The following UBE4B variants were observed in gnomAD, a reference collection of about 807,000 sequenced individuals.
UBE4B encodes ubiquitination factor E4B.
Under a neutral mutation model 148.1 loss-of-function variants are expected in UBE4B, and 27 were observed. The observed-to-expected ratio is 0.18, with a 90% CI of 0.13 to 0.25. The LOEUF (loss-of-function observed/expected upper bound fraction) is 0.25. UBE4B is among the 10% of genes least tolerant of loss of function. UBE4B has a pLI of 1.00. For missense variants in UBE4B, 1,170 were observed against 1,662.4 expected (o/e 0.70, Z 5.15); for synonymous variants, 596 against 619.3 (o/e 0.96, Z 0.56).
intron 2 of UBE4B, among the ~76,000 whole-genome samples, chr1:10,094,046 A>G (rs1277417087): frequency 6.6e-6 from 1 of 152,146 alleles, no homozygotes; most frequent in Non-Finnish European, 1.5e-5. Flanking sequence ...ATAGGTATAT[A>G]TATTTTAAAG....
intron 14 of UBE4B, among the ~76,000 whole-genome samples, chr1:10,131,699 T>C (rs546707986): frequency 2.6e-5 from 4 of 151,942 alleles, no homozygotes; most frequent in Non-Finnish European, 5.9e-5. Flanking sequence ...TCGTCACTGC[T>C]AAAAATACAA....
At chr1:10,140,647 T>C (rs540677617) in intron 17 of UBE4B, among the ~76,000 whole-genome samples, 2 of 152,370 alleles carry the variant, frequency 1.3e-5, no homozygotes, top group Admixed American at 6.5e-5. Flanking sequence ...TGGAACCATC[T>C]AGAACCTTTG....
intron 1 of UBE4B, among the ~76,000 whole-genome samples, chr1:10,071,686 A>G (rs1374413116): frequency 6.6e-6 from 1 of 152,132 alleles, no homozygotes. Context: ...ATACGTATTT[A>G]TGTATGTATT....
intron 25 of UBE4B, among the ~76,000 whole-genome samples, chr1:10,174,690 G>A (rs1460423357): frequency 6.7e-5 from 9 of 133,928 alleles, no homozygotes; most frequent in South Asian, 2.3e-4. Context: ...CAACAAGAGC[G>A]AAACTCCGTC....
intron 1 of UBE4B, among the ~76,000 whole-genome samples, chr1:10,035,702 G>A (rs1249298161): frequency 6.7e-6 from 1 of 149,440 alleles, no homozygotes. Context: ...CACCGTGACC[G>A]GCCAGAGATA....
At position 10,106,678 on chromosome 1, in the gene UBE4B, T is replaced by A; in HGVS notation, c.1196+95T>A. 1 of 1,435,800 alleles carries A rather than the reference T, an allele frequency of 7.0e-7. No individual in the cohort carries two copies. Among genetic ancestry groups the A allele is most frequent in the African/African-American group, 1.4e-5 (1 of 69,982 alleles). The allele number at this position is 1,435,800 out of a possible 1,614,324, so 88.9% of individuals were successfully genotyped here. Reference sequence around the variant, plus strand: ...GAAGTGCTGTGTGACACTGACTCTGTTAAATTGTTGTTTTGGGTTATTAAC... The same window carrying A: ...GAAGTGCTGTGTGACACTGACTCTGATAAATTGTTGTTTTGGGTTATTAAC... On this transcript the variant is annotated intron_variant, in intron 7 of 27. Transcript: ENST00000343090. This position sits in a 1 kb window ranked among gnomAD's most constrained non-coding sequence, Gnocchi z 4.2.
intron 1 of UBE4B, among the ~76,000 whole-genome samples, chr1:10,035,934 G>A (rs1460940143): frequency 1.3e-5 from 2 of 149,816 alleles, no homozygotes; most frequent in African/African-American, 2.5e-5. Context: ...TAGTAGAGAC[G>A]GGGTTTCACC....
intron 12 of UBE4B, 38 bp from the exon 13 acceptor site, chr1:10,130,462 G>C: frequency 6.4e-7 from 1 of 1,564,476 alleles, no homozygotes; most frequent in Non-Finnish European, 8.8e-7. Context: ...CCACCGGCCT[G>C]TTCAGCGGCT....
chr1:10,130,349 G>T (rs1267349686), intron 12 of UBE4B, 151 bp from the exon 13 acceptor site: 2 of 726,010 alleles, frequency 2.8e-6, no homozygotes, highest in Non-Finnish European at 4.6e-6. Context: ...CCAAAGTGCT[G>T]GGATTACAGG....
intron 1 of UBE4B, among the ~76,000 whole-genome samples, chr1:10,043,594 T>C (rs1643856694): frequency 1.3e-5 from 2 of 151,082 alleles, no homozygotes. Flanking sequence ...GCCTGACTAA[T>C]TTTTTTTGTA....
At chr1:10,167,092 A>G (rs926202292) in intron 23 of UBE4B, among the ~76,000 whole-genome samples, 5 of 151,824 alleles carry the variant, frequency 3.3e-5, no homozygotes, top group Admixed American at 3.3e-4. Flanking sequence ...AGATTGTGCC[A>G]CTGCACTCTA....
chr1:10,041,278 G>A (rs926237700), intron 1 of UBE4B, among the ~76,000 whole-genome samples: 5 of 139,352 alleles, frequency 3.6e-5, no homozygotes, highest in Non-Finnish European at 6.1e-5. Context: ...GTTTTCTATC[G>A]CTTTACTACC....
At chr1:10,055,693 G>A (rs1033863254) in intron 1 of UBE4B, among the ~76,000 whole-genome samples, 1 of 152,284 alleles carries the variant, frequency 6.6e-6, no homozygotes, top group Admixed American at 6.5e-5. Context: ...GCCAAGGTGG[G>A]CAGATCACTT....
Position 10,105,719 on chromosome 1 carries a change from T to A in UBE4B, c.784T>A (p.Ser262Thr). The A allele has an allele frequency of 6.2e-7, 1 of 1,614,056 alleles. No individual in the cohort carries two copies. The highest frequency in any genetic ancestry group is 8.5e-7 in the Non-Finnish European group (1 of 1,180,040). The change falls in exon 6 of 28, where the codon TCC (serine) becomes ACC (threonine). Residue 262 changes from serine to threonine, a missense_variant. Around this residue, in one of 6 missense-constraint regions of UBE4B, gnomAD observed 214 missense variants for 209.1 expected, o/e 1.02. Coordinates refer to ENST00000343090, the MANE Select transcript of UBE4B (RefSeq NM_001105562.3). ...GTSPMFCSVA[S>T]FGASSLSSLY... is the part of the protein sequence containing the mutation. ...AAGCCCCATGTTCTGCAGCGTGGCT[T>A]CCTTTGGTGCCAGCTCTTTGTCTAG...
intron 1 of UBE4B, among the ~76,000 whole-genome samples, chr1:10,047,001 C>G (rs1352604563): frequency 6.6e-6 from 1 of 152,194 alleles, no homozygotes; most frequent in Non-Finnish European, 1.5e-5. Context: ...GAATTACAGG[C>G]CATGTTGGCA....
Position 10,036,959 on chromosome 1 carries a change from T to C in UBE4B, c.24+3265T>C, listed in dbSNP as rs114945189. On this transcript the variant is annotated intron_variant, in intron 1 of 27. Coordinates refer to ENST00000343090, the MANE Select transcript of UBE4B (RefSeq NM_001105562.3). Reference sequence around the variant, plus strand: ...AAAAAGGCTGGTATAACCAGACTGGTAGCTTTAGGAACTTTTAAATTATGT... The same window carrying C: ...AAAAAGGCTGGTATAACCAGACTGGCAGCTTTAGGAACTTTTAAATTATGT... Among the ~76,000 whole-genome samples the C allele has an allele frequency of 4.8e-3, 732 of 152,304 alleles. 4 individuals are homozygous for C. The highest frequency in any genetic ancestry group is 0.01 in the Middle Eastern group (3 of 294).
intron 22 of UBE4B, among the ~76,000 whole-genome samples, chr1:10,160,035 A>G (rs1646135434): frequency 6.6e-6 from 1 of 152,208 alleles, no homozygotes; most frequent in African/African-American, 2.4e-5. Context: ...TCTCTTCTCC[A>G]GCATGGGCTT....
At chr1:10,049,864 C>G (rs1570779573) in intron 1 of UBE4B, among the ~76,000 whole-genome samples, 1 of 145,936 alleles carries the variant, frequency 6.9e-6, no homozygotes. Flanking sequence ...GCCCTCTAGT[C>G]TGGGCGAGAG....
chr1:10,119,213 TTTGC>T (rs1334925973), intron 8 of UBE4B, among the ~76,000 whole-genome samples: 1 of 152,086 alleles, frequency 6.6e-6, no homozygotes, highest in Non-Finnish European at 1.5e-5. Context: ...CCTCAAGTGA[TTTGC>T]TTGCCTTGGC....
Sources: gnomAD v4.1 joint callset for allele counts (sites outside exome capture counted in the v4.1 genomes callset) on GRCh38, gnomAD v4.1.1 for gene constraint, gnomAD v4.1.1 regional missense constraint, Gnocchi (gnomAD v3.1) non-coding constraint, MANE v1.5 for transcripts, NCBI Gene and HGNC (gene_info 2026-07-23, HGNC 2026-07-21) for gene names.